The following FOXP1 variants were observed in gnomAD, a reference collection of about 807,000 sequenced individuals.
The protein encoded by FOXP1 is forkhead box protein P1.
FOXP1 carries 15 observed loss-of-function variants against 98.2 expected under a neutral mutation model. The ratio of observed to expected loss-of-function variants is 0.15; its 90% confidence interval spans 0.10 to 0.24. FOXP1 has a LOEUF of 0.24. Among genes scored for constraint, FOXP1 ranks in the 10% least tolerant of loss-of-function variants. The pLI is 1.00. For missense variants in FOXP1, 633 were observed against 848.5 expected, an observed-to-expected ratio of 0.75 and a Z score of 3.15; for synonymous variants, 371 against 314.5, an observed-to-expected ratio of 1.18 and a Z score of -1.90.
At chr3:71,484,186 T>C (rs989269884) in intron 3 of FOXP1, among the ~76,000 whole-genome samples, 2 of 152,192 alleles carry the variant, frequency 1.3e-5, no homozygotes, top group South Asian at 2.1e-4. Flanking sequence ...CGTGGAGAGA[T>C]TGACAGGAAA....
intron 4 of FOXP1, among the ~76,000 whole-genome samples, chr3:71,317,782 G>C (rs2075165125): frequency 1.3e-5 from 2 of 151,568 alleles, no homozygotes; most frequent in Non-Finnish European, 2.9e-5. Flanking sequence ...ACGTCCCAAA[G>C]AACATATGTT....
intron 6 of FOXP1, among the ~76,000 whole-genome samples, chr3:71,184,177 C>G (rs1444373250): frequency 2.0e-5 from 3 of 151,912 alleles, no homozygotes; most frequent in Non-Finnish European, 4.4e-5. Context: ...ACAAAAAAGC[C>G]CTTCAGATGA....
chr3:71,093,193 G>A (rs1450786278), intron 7 of FOXP1, among the ~76,000 whole-genome samples: 1 of 150,898 alleles, frequency 6.6e-6, no homozygotes. Context: ...GGCAGAGGGT[G>A]CAGTGAGCCA....
intron 7 of FOXP1, chr3:71,064,868 G>A: frequency 1.0e-6 from 1 of 973,312 alleles, no homozygotes; most frequent in African/African-American, 1.8e-5. Context: ...GCCGGGCTCG[G>A]GGCGCCCGCG....
intron 3 of FOXP1, among the ~76,000 whole-genome samples, chr3:71,462,481 A>C (rs1268431969): frequency 6.6e-6 from 1 of 152,190 alleles, no homozygotes; most frequent in Admixed American, 6.5e-5. Context: ...TCACGTATCC[A>C]TGATGGGCCA....
chr3:71,347,943 C>CG (rs1415276026), intron 4 of FOXP1, among the ~76,000 whole-genome samples: 2 of 151,900 alleles, frequency 1.3e-5, no homozygotes, highest in Non-Finnish European at 2.9e-5. Context: ...CCAAGAGCCC[C>CG]GGTGGATGCC....
At chr3:71,528,151 T>C (rs143117788) in intron 2 of FOXP1, among the ~76,000 whole-genome samples, 8 of 152,352 alleles carry the variant, frequency 5.3e-5, no homozygotes, top group African/African-American at 1.9e-4. Flanking sequence ...CTTGGTTCTC[T>C]TTATGAAAAC....
intron 3 of FOXP1, among the ~76,000 whole-genome samples, chr3:71,414,588 C>G (rs2083058547): frequency 6.6e-6 from 1 of 152,216 alleles, no homozygotes; most frequent in African/African-American, 2.4e-5. Flanking sequence ...AAGGGAATTG[C>G]CTCTGCTCCA....
At chr3:71,198,432 G>GCCCCCCCCCCCCCCCC in intron 5 of FOXP1, 40 bp from the exon 6 acceptor site, 1 of 491,034 alleles carries the variant, frequency 2.0e-6, no homozygotes, top group Non-Finnish European at 4.0e-6. Context: ...GGGAGGGGGG[G>GCCCCCCCCCCCCCCCC]AGAAAAAAAA....
chr3:71,553,477 A>G (rs1027930144), intron 2 of FOXP1, among the ~76,000 whole-genome samples: 2 of 152,206 alleles, frequency 1.3e-5, no homozygotes, highest in South Asian at 4.1e-4. Context: ...ACAGAATTTC[A>G]GAATTAAAAA....
intron 4 of FOXP1, among the ~76,000 whole-genome samples, chr3:71,301,962 T>C (rs1365906066): frequency 6.6e-6 from 1 of 152,156 alleles, no homozygotes; most frequent in African/African-American, 2.4e-5. Context: ...CAACTGACCA[T>C]CCAATTTATA....
At chr3:71,415,204 G>A (rs1300030442) in intron 3 of FOXP1, among the ~76,000 whole-genome samples, 1 of 152,140 alleles carries the variant, frequency 6.6e-6, no homozygotes, top group Non-Finnish European at 1.5e-5. Flanking sequence ...TGTATCAGAC[G>A]CTCTGAGATG....
At chr3:71,344,112 G>A (rs1017738403) in intron 4 of FOXP1, among the ~76,000 whole-genome samples, 7 of 152,122 alleles carry the variant, frequency 4.6e-5, no homozygotes, top group Admixed American at 2.6e-4. Context: ...GAGTACATCC[G>A]CCATCTCTCT....
At chr3:70,972,043 G>A (rs2036377342) in intron 18 of FOXP1, 2 of 1,479,722 alleles carry the variant, frequency 1.4e-6, no homozygotes, top group Admixed American at 2.5e-5. Context: ...TTTCATCGGG[G>A]CAGTATTTGC....
At chr3:71,524,719 A>T (rs1332850116) in intron 2 of FOXP1, among the ~76,000 whole-genome samples, 1 of 152,246 alleles carries the variant, frequency 6.6e-6, no homozygotes, top group Non-Finnish European at 1.5e-5. Flanking sequence ...GCTACAAAGC[A>T]ACGACTATTA....
At chr3:71,462,946 G>A (rs999517024) in intron 3 of FOXP1, among the ~76,000 whole-genome samples, 1 of 152,054 alleles carries the variant, frequency 6.6e-6, no homozygotes, top group Non-Finnish European at 1.5e-5. Context: ...CACCTCCTAC[G>A]CCCCATCAAT....
chr3:70,958,352 C>G lies in FOXP1; in HGVS notation c.*895G>C. ...ATTCATTCTCTTTCTGGCAGGACGTCACGTCTGTGTGAGAGGGCCTTCATG... is the reference window on the plus strand; with the variant it reads ...ATTCATTCTCTTTCTGGCAGGACGTGACGTCTGTGTGAGAGGGCCTTCATG... On this transcript the variant is annotated 3_prime_UTR_variant, in exon 21 of 21. Coordinates refer to ENST00000649528, the MANE Select transcript of FOXP1 (RefSeq NM_001349338.3). 1.9e-6 allele frequency: 1 copy of G among 534,022 alleles called. No homozygotes were observed. Among genetic ancestry groups the G allele is most frequent in the Non-Finnish European group, 3.6e-6 (1 of 275,702 alleles). 33.1% of individuals were successfully genotyped at this position (534,022 alleles called of 1,614,324 possible). A position where few individuals can be genotyped will look rare whatever the true frequency, so the allele number is the denominator to read the frequency against.
At chr3:70,992,940 T>C (rs1009761613) in intron 13 of FOXP1, among the ~76,000 whole-genome samples, 3 of 152,140 alleles carry the variant, frequency 2.0e-5, no homozygotes, top group Admixed American at 1.3e-4. Flanking sequence ...GCTCAGGGCT[T>C]GTGCAGGGCA....
At chr3:71,063,934 T>A (rs1266926871) in intron 7 of FOXP1, among the ~76,000 whole-genome samples, 3 of 152,166 alleles carry the variant, frequency 2.0e-5, no homozygotes, top group Non-Finnish European at 4.4e-5. Context: ...AACACCGTAC[T>A]TGGGGAGGAG....
Sources: allele counts gnomAD v4.1 joint callset (sites outside exome capture counted in the v4.1 genomes callset), GRCh38; gene constraint gnomAD v4.1.1; transcripts MANE v1.5; gene names NCBI Gene and HGNC (gene_info 2026-07-23, HGNC 2026-07-21).